Variants in CCDC30 observed in about 807,000 individuals in gnomAD.
CCDC30 encodes coiled-coil domain containing 30, also known as coiled-coil domain-containing protein 30.
A neutral mutation model predicts 100.2 loss-of-function variants in CCDC30; 70 were observed. That is an observed-to-expected ratio of 0.70 (90% CI 0.58 to 0.85). CCDC30 has a LOEUF of 0.85. Among genes scored for constraint, CCDC30 ranks in the 40% least tolerant of loss-of-function variants. CCDC30 has a pLI of 0.00. For missense variants in CCDC30, 652 were observed against 771.2 expected, an observed-to-expected ratio of 0.85 and a Z score of 1.83; for synonymous variants, 233 against 269.5, an observed-to-expected ratio of 0.86 and a Z score of 1.33.
At chr1:42,456,547 G>T in the CCDC30 span, 1 of 1,449,824 alleles carries the variant, frequency 6.9e-7, no homozygotes. Context: ...GTGCGCAGGC[G>T]CCGGCCGCTG....
intron 6 of CCDC30, among the ~76,000 whole-genome samples, chr1:42,546,710 C>T (rs1036924823): frequency 3.3e-5 from 5 of 151,768 alleles, no homozygotes; most frequent in Non-Finnish European, 7.4e-5. Context: ...TCTTATTTAT[C>T]TATCTATCTG....
At chr1:42,591,430 C>T (rs747475803) in intron 10 of CCDC30, 10 of 152,520 alleles carry the variant, frequency 6.6e-5, no homozygotes, top group Admixed American at 1.3e-4. Flanking sequence ...CCAGATACAG[C>T]TCAGGCTGCC....
At chr1:42,558,865 A>AAC (rs1189350218) in intron 6 of CCDC30, among the ~76,000 whole-genome samples, 1 of 152,216 alleles carries the variant, frequency 6.6e-6, no homozygotes, top group Non-Finnish European at 1.5e-5. Context: ...CAAGGTTGAA[A>AAC]TGAAGGAAAA....
intron 3 of CCDC30, among the ~76,000 whole-genome samples, chr1:42,483,197 T>G (rs1397127352): frequency 6.6e-6 from 1 of 152,222 alleles, no homozygotes; most frequent in African/African-American, 2.4e-5. Flanking sequence ...TGCTCAGTCT[T>G]ATAAGATTCA....
chr1:42,595,874 G>A (rs557166991), intron 10 of CCDC30, among the ~76,000 whole-genome samples: 3 of 152,312 alleles, frequency 2.0e-5, no homozygotes, highest in Admixed American at 6.5e-5. Flanking sequence ...TAAATGACAT[G>A]TACAGAAAGC....
At chr1:42,525,597 A>C (rs1644711765) in intron 6 of CCDC30, among the ~76,000 whole-genome samples, 1 of 152,098 alleles carries the variant, frequency 6.6e-6, no homozygotes, top group Admixed American at 6.5e-5. Context: ...GTTTCTTTGA[A>C]GGTTTAATAA....
chr1:42,473,400 T>C, intron 1 of CCDC30: 3 of 707,348 alleles, frequency 4.2e-6, no homozygotes, highest in Non-Finnish European at 2.0e-6. Flanking sequence ...TGGCTATCAC[T>C]GTATAGTTTG....
intron 11 of CCDC30, among the ~76,000 whole-genome samples, chr1:42,613,937 G>C (rs1000217144): frequency 1.3e-5 from 2 of 152,074 alleles, no homozygotes; most frequent in African/African-American, 4.8e-5. Context: ...ATTCAACATG[G>C]AGTTGCTCTG....
At chr1:42,589,413 A>G in exon 10 of CCDC30, 3 of 1,614,062 alleles carry the variant, frequency 1.9e-6, no homozygotes, top group Non-Finnish European at 2.5e-6. Flanking sequence ...TGTTCTCAGC[A>G]ACAATCCAGA....
chr1:42,456,626 GAGGTT>G, the CCDC30 span: 1 of 1,579,516 alleles, frequency 6.3e-7, no homozygotes. Flanking sequence ...GCGCTGGGCT[GAGGTT>G]ATGGCTCGCT....
chr1:42,598,864 C>A (rs529376680), intron 10 of CCDC30, among the ~76,000 whole-genome samples: 1 of 152,076 alleles, frequency 6.6e-6, no homozygotes, highest in East Asian at 1.9e-4. Context: ...AGTTTGAGAC[C>A]AACCTGGGCA....
intron 6 of CCDC30, among the ~76,000 whole-genome samples, chr1:42,505,268 AG>A: frequency 6.6e-6 from 1 of 152,192 alleles, no homozygotes; most frequent in East Asian, 1.9e-4. Context: ...CAGGATTTGC[AG>A]GATAATTGGC....
intron 6 of CCDC30, among the ~76,000 whole-genome samples, chr1:42,514,507 C>T (rs1205491767): frequency 6.6e-6 from 1 of 152,140 alleles, no homozygotes; most frequent in Non-Finnish European, 1.5e-5. Context: ...GAGTATCTGC[C>T]TTTTCAAGTG....
At chr1:42,644,735 T>G in exon 14 of CCDC30, 1 of 1,613,266 alleles carries the variant, frequency 6.2e-7, no homozygotes, top group Non-Finnish European at 8.5e-7. Flanking sequence ...TACAGGAAAA[T>G]AGTCTTCGTC....
chr1:42,463,218 A>G (rs567377272), upstream of CCDC30: 7 of 152,358 alleles, frequency 4.6e-5, no homozygotes, highest in Admixed American at 3.3e-4. Flanking sequence ...CTCTGGTTCC[A>G]CTGGCGTGCG....
At chr1:42,473,797 T>C (rs1341245316) in intron 1 of CCDC30, among the ~76,000 whole-genome samples, 1 of 152,204 alleles carries the variant, frequency 6.6e-6, no homozygotes, top group African/African-American at 2.4e-5. Flanking sequence ...GCACATTATG[T>C]GGGAAGCCAA....
chr1:42,624,756 G>A (rs979536211), intron 11 of CCDC30, among the ~76,000 whole-genome samples: 15 of 152,182 alleles, frequency 9.9e-5, no homozygotes, highest in African/African-American at 3.6e-4. Context: ...TGGGATTGCA[G>A]ACATGAGTCC....
intron 11 of CCDC30, among the ~76,000 whole-genome samples, chr1:42,628,014 G>C (rs1305430932): frequency 6.6e-6 from 1 of 152,128 alleles, no homozygotes. Context: ...CATGCACCTG[G>C]AAGAGCCACA....
chr1:42,458,352 T>A (rs1643298974), upstream of CCDC30, among the ~76,000 whole-genome samples: 1 of 152,138 alleles, frequency 6.6e-6, no homozygotes, highest in South Asian at 2.1e-4. Flanking sequence ...GATTTTAGAT[T>A]TTTGGAACCT....
Sources: allele counts gnomAD v4.1 joint callset (sites outside exome capture counted in the v4.1 genomes callset), GRCh38; gene constraint gnomAD v4.1.1; transcripts MANE v1.5; gene names NCBI Gene and HGNC (gene_info 2026-07-23, HGNC 2026-07-21).